Variants in SPTLC1 observed in about 807,000 individuals in gnomAD.
SPTLC1 encodes the protein serine palmitoyltransferase 1.
A neutral mutation model predicts 68.9 loss-of-function variants in SPTLC1; 55 were observed. The ratio of observed to expected loss-of-function variants is 0.80; its 90% CI spans 0.64 to 1.00. SPTLC1 has a LOEUF of 1.00. SPTLC1 is among the 50% of genes least tolerant of loss of function. The pLI is 0.00. For missense variants in SPTLC1, 449 were observed against 573.1 expected (o/e 0.78, Z 2.21); for synonymous variants, 197 against 201.6 (o/e 0.98, Z 0.19).
At position 92,046,070 on chromosome 9, in the gene SPTLC1, C is replaced by T. The variant is rs752920258; in HGVS notation, c.1082-17G>A. 3.1e-6 allele frequency: 5 copies of T among 1,605,664 alleles called. No homozygotes were observed. Among genetic ancestry groups the T allele is most frequent in the Non-Finnish European group, 4.3e-6 (5 of 1,174,386 alleles). On this transcript the variant is annotated splice_polypyrimidine_tract_variant and intron_variant, in intron 11 of 14. Transcript: ENST00000262554. ...CAAAAATACCTAGATGAAAAAAATA[C>T]GTTTGAGAGTCTATTTGAAACTTAT...
At chr9:92,100,562 T>G (rs537815506) in intron 3 of SPTLC1, among the ~76,000 whole-genome samples, 1 of 152,250 alleles carries the variant, frequency 6.6e-6, no homozygotes, top group East Asian at 1.9e-4. Flanking sequence ...GCTCACCAAC[T>G]GGCCCTGGTG....
Position 92,032,388 on chromosome 9 carries a change from G to A in SPTLC1, c.*77C>T. 1 of 1,610,078 alleles carries A rather than the reference G, an allele frequency of 6.2e-7. No homozygotes were observed. Among genetic ancestry groups the A allele is most frequent in the Non-Finnish European group, 8.5e-7 (1 of 1,178,768 alleles). On this transcript the variant is annotated 3_prime_UTR_variant, in exon 15 of 15. Transcript: ENST00000262554. ...TCCACATGTTCTTGCTCTCTTTCAG[G>A]CCACTCCATGGCCAGCGGGAGTCTT...
intron 12 of SPTLC1, among the ~76,000 whole-genome samples, chr9:92,042,101 T>TA (rs1472906951): frequency 2.6e-5 from 4 of 151,970 alleles, no homozygotes; most frequent in African/African-American, 2.4e-5. Flanking sequence ...TCCTGTCTCT[T>TA]AAAAAAACCA....
At chr9:92,059,490 A>G (rs902642584) in intron 6 of SPTLC1, among the ~76,000 whole-genome samples, 182 bp from the exon 7 acceptor site, 1 of 152,242 alleles carries the variant, frequency 6.6e-6, no homozygotes, top group Non-Finnish European at 1.5e-5. Context: ...TCCTTTTCAC[A>G]TAACTACCAT....
chr9:92,065,632 A>C (rs1834251706), intron 6 of SPTLC1, among the ~76,000 whole-genome samples: 1 of 152,222 alleles, frequency 6.6e-6, no homozygotes, highest in South Asian at 2.1e-4. Flanking sequence ...TTGTGTATAA[A>C]GTGACACTGA....
chr9:92,101,492 G>T (rs1172004843), intron 3 of SPTLC1, among the ~76,000 whole-genome samples: 2 of 146,736 alleles, frequency 1.4e-5, no homozygotes, highest in Admixed American at 1.4e-4. Flanking sequence ...AACCTGGGAG[G>T]CGGAGCTTGC....
chr9:92,080,839 T>C, intron 4 of SPTLC1, 31 bp downstream of exon 4: 1 of 1,511,634 alleles, frequency 6.6e-7, no homozygotes, highest in Non-Finnish European at 9.2e-7. Flanking sequence ...AGTAATGTTA[T>C]CTGTCCACTT....
At chr9:92,036,153 C>T (rs899720720) in intron 13 of SPTLC1, among the ~76,000 whole-genome samples, 1 of 152,146 alleles carries the variant, frequency 6.6e-6, no homozygotes, top group Admixed American at 6.5e-5. Context: ...TTTTTTCTAT[C>T]AATGAAGTTT....
intron 8 of SPTLC1, chr9:92,050,810 G>GCTTTTTTTTT (rs1564088122): frequency 1.4e-5 from 1 of 72,268 alleles, no homozygotes; most frequent in African/African-American, 1.3e-4. Context: ...GCACAATACT[G>GCTTTTTTTTT]ATTTTTTTTT....
intron 3 of SPTLC1, among the ~76,000 whole-genome samples, chr9:92,101,289 G>GT (rs1835739224): frequency 1.3e-5 from 2 of 151,920 alleles, no homozygotes; most frequent in African/African-American, 4.8e-5. Flanking sequence ...CAGGCCAGGC[G>GT]TGGTGGCTCA....
chr9:92,087,676 G>T (rs536933491), intron 3 of SPTLC1, among the ~76,000 whole-genome samples: 4 of 152,356 alleles, frequency 2.6e-5, no homozygotes, highest in African/African-American at 9.6e-5. Flanking sequence ...TCCCAGTTAG[G>T]CTGCTCAGGG....
chr9:92,044,518 G>A lies in SPTLC1; in HGVS notation c.1136+1481C>T, dbSNP rs117488781. ...GAAGCCAGGTCTCAGAGCTGCCAGT[G>A]TAAGTGAAGACGTGGAGATGATAGC... On this transcript the variant is annotated intron_variant, in intron 12 of 14. Coordinates refer to ENST00000262554, the MANE Select transcript of SPTLC1 (RefSeq NM_006415.4). Among the ~76,000 whole-genome samples the A allele has an allele frequency of 6.2e-3, 948 of 152,356 alleles. 8 individuals carry two copies. The highest frequency in any genetic ancestry group is 0.011 in the Non-Finnish European group (725 of 68,044).
At chr9:92,103,101 G>A (rs1018286219) in intron 3 of SPTLC1, among the ~76,000 whole-genome samples, 5 of 152,226 alleles carry the variant, frequency 3.3e-5, no homozygotes, top group Non-Finnish European at 7.3e-5. Context: ...GAAGACCAGA[G>A]AAACTGACTT....
chr9:92,057,289 A>G (rs925452512), intron 7 of SPTLC1, among the ~76,000 whole-genome samples: 4 of 152,268 alleles, frequency 2.6e-5, no homozygotes, highest in African/African-American at 9.6e-5. Flanking sequence ...TTGCTTTTTC[A>G]TATCACAATA....
chr9:92,115,004 G>T (rs563426571), intron 1 of SPTLC1: 109 of 481,008 alleles, frequency 2.3e-4, no homozygotes, highest in South Asian at 1.9e-3. Context: ...TTTATCGTCC[G>T]TCTAAACTCT....
chr9:92,103,687 G>A (rs1835844198), intron 3 of SPTLC1, among the ~76,000 whole-genome samples: 1 of 152,242 alleles, frequency 6.6e-6, no homozygotes, highest in African/African-American at 2.4e-5. Flanking sequence ...TGAGGCCACG[G>A]CAGCCATGGA....
At chr9:92,079,514 C>T (rs1266820184) in intron 5 of SPTLC1, 2 of 1,613,774 alleles carry the variant, frequency 1.2e-6, no homozygotes, top group Admixed American at 1.7e-5. Flanking sequence ...ATTTAGTTGG[C>T]CTGTTCCCGG....
At chr9:92,104,604 C>T in intron 3 of SPTLC1, 1 of 1,478,488 alleles carries the variant, frequency 6.8e-7, no homozygotes, top group Non-Finnish European at 9.1e-7. Context: ...CTTCAACTTC[C>T]TTCATTAGAT....
chr9:92,052,590 C>T (rs1238890100), intron 8 of SPTLC1, among the ~76,000 whole-genome samples: 5 of 151,368 alleles, frequency 3.3e-5, no homozygotes, highest in South Asian at 2.1e-4. Context: ...AGTGCACTGG[C>T]GTGATCTCGG....
Sources: allele counts gnomAD v4.1 joint callset (sites outside exome capture counted in the v4.1 genomes callset), GRCh38; gene constraint gnomAD v4.1.1; transcripts MANE v1.5; gene names NCBI Gene and HGNC (gene_info 2026-07-23, HGNC 2026-07-21).